ENTPD7: variants seen among roughly 807,000 people sequenced by gnomAD.
ENTPD7 encodes the protein ectonucleoside triphosphate diphosphohydrolase 7.
In ENTPD7, 53 loss-of-function variants were observed where a neutral mutation model predicts 77.9. The observed-to-expected ratio is 0.68, with a 90% confidence interval of 0.55 to 0.85. The LOEUF is 0.85. ENTPD7 is among the 40% of genes least tolerant of loss of function. The probability of loss-of-function intolerance (pLI) is 0.00; values close to 1 mark genes in which losing one functional copy is unlikely to be tolerated. For missense variants in ENTPD7, 636 were observed against 743.7 expected (o/e 0.86, Z 1.68); for synonymous variants, 248 against 274.9 (o/e 0.90, Z 0.97).
At position 99,661,531 on chromosome 10, in the gene ENTPD7, C is replaced by G. The variant is rs147747082; in HGVS notation, c.94C>G (p.Leu32Val). The G allele has an allele frequency of 1.2e-6, 2 of 1,613,814 alleles. No homozygotes were observed. The highest frequency in any genetic ancestry group is 1.7e-6 in the Non-Finnish European group (2 of 1,179,916). ...SPFLRQRVAF[L>V]GLFFISCLLL... ...ATTTCTCCGTCAGCGGGTGGCATTC[C>G]TGGGACTCTTCTTCATATCCTGTCT... Residue 32 changes from leucine (L) to valine (V), a missense_variant, in exon 3 of 13, where the codon CTG becomes GTG. This residue lies in a region of ENTPD7 where 486 missense variants were observed against 556.5 expected (regional missense o/e 0.87). Transcript: ENST00000370489.
At chr10:99,700,373 A>ATTTT (rs1458260926) in intron 10 of ENTPD7, among the ~76,000 whole-genome samples, 1 of 149,536 alleles carries the variant, frequency 6.7e-6, no homozygotes. Flanking sequence ...TTCCCTGAGC[A>ATTTT]TTTATGTTAT....
chr10:99,660,034 G>A, intron 2 of ENTPD7, 70 bp downstream of exon 2: 4 of 1,611,216 alleles, frequency 2.5e-6, no homozygotes, highest in Non-Finnish European at 3.4e-6. Flanking sequence ...GGGGCCCTGG[G>A]AGGCTGTCCC....
rs547442300 is a variant in ENTPD7 at position 99,710,298 on chromosome 10, T to C, written c.*5615T>C. 30 of 985,330 alleles carry C rather than the reference T, an allele frequency of 3.0e-5. No individual in the cohort carries two copies. The highest frequency in any genetic ancestry group is 3.6e-5 in the Non-Finnish European group (30 of 829,944). The allele number at this position is 985,330 out of a possible 1,614,324, so 61.0% of individuals were successfully genotyped here. A position where few individuals can be genotyped will look rare whatever the true frequency, so the allele number is the denominator to read the frequency against. On this transcript the variant is annotated 3_prime_UTR_variant, in exon 13 of 13. Coordinates refer to ENST00000370489, the MANE Select transcript of ENTPD7 (RefSeq NM_020354.5). Reference sequence around the variant, plus strand: ...CCCAGACACATACTTTGGTTTCTAGTGTTTCAGTTACTATGTTGTATTTGA... The same window carrying C: ...CCCAGACACATACTTTGGTTTCTAGCGTTTCAGTTACTATGTTGTATTTGA...
intron 2 of ENTPD7, chr10:99,660,183 G>A: frequency 1.7e-6 from 1 of 590,022 alleles, no homozygotes; most frequent in Non-Finnish European, 2.1e-6. Flanking sequence ...GAGTGAGTCG[G>A]CTTGCTCAGC....
intron 5 of ENTPD7, among the ~76,000 whole-genome samples, 187 bp from the exon 6 acceptor site, chr10:99,685,605 G>A (rs995896344): frequency 6.6e-5 from 10 of 152,046 alleles, no homozygotes; most frequent in African/African-American, 9.7e-5. Flanking sequence ...TTAGGTAGGA[G>A]GCTATACCTG....
intron 3 of ENTPD7, among the ~76,000 whole-genome samples, chr10:99,663,099 C>T (rs988949057): frequency 1.4e-5 from 2 of 138,978 alleles, no homozygotes; most frequent in Non-Finnish European, 3.2e-5. Context: ...ATCCATATTT[C>T]CATATTTGCT....
chr10:99,673,210 C>A (rs2035637622), intron 3 of ENTPD7, among the ~76,000 whole-genome samples: 1 of 152,036 alleles, frequency 6.6e-6, no homozygotes, highest in African/African-American at 2.4e-5. Flanking sequence ...TTCTCTTGGG[C>A]TTTTGGTCCT....
chr10:99,700,989 C>G lies in ENTPD7; in HGVS notation c.1352C>G (p.Ala451Gly). ...AKAAQDYCGMAWSVLTQRFKN... is the reference protein window; with the variant it reads ...AKAAQDYCGMGWSVLTQRFKN... ...TTGATCCAGGATTACTGTGGCATGGCTTGGTCGGTACTAACTCAGAGATTC... is the reference window on the plus strand; with the variant it reads ...TTGATCCAGGATTACTGTGGCATGGGTTGGTCGGTACTAACTCAGAGATTC... Residue 451 changes from alanine to glycine, a missense_variant, in exon 11 of 13, where the codon GCT becomes GGT. Around this residue, in one of 3 missense-constraint regions of ENTPD7, gnomAD observed 486 missense variants for 556.5 expected, o/e 0.87. Transcript: ENST00000370489. 1 of 1,614,046 alleles carries G rather than the reference C, an allele frequency of 6.2e-7. No individual in the cohort carries two copies. The highest frequency in any genetic ancestry group is 8.5e-7 in the Non-Finnish European group (1 of 1,179,936).
intron 3 of ENTPD7, among the ~76,000 whole-genome samples, chr10:99,667,768 T>C (rs2035567904): frequency 6.6e-6 from 1 of 152,148 alleles, no homozygotes; most frequent in African/African-American, 2.4e-5. Context: ...CAGTTATATC[T>C]GGCATCTTGA....
chr10:99,694,542 T>G (rs2133487072), intron 8 of ENTPD7, among the ~76,000 whole-genome samples: 1 of 150,700 alleles, frequency 6.6e-6, no homozygotes, highest in East Asian at 1.9e-4. Context: ...TTTTTTGTTT[T>G]TTTTTTTTTT....
At chr10:99,700,209 T>A (rs1433778549) in intron 10 of ENTPD7, among the ~76,000 whole-genome samples, 1 of 152,184 alleles carries the variant, frequency 6.6e-6, no homozygotes, top group East Asian at 1.9e-4. Flanking sequence ...GTTATTGGGC[T>A]TAACATATTA....
intron 3 of ENTPD7, among the ~76,000 whole-genome samples, chr10:99,676,554 GAA>G (rs1364880157): frequency 6.6e-6 from 1 of 152,222 alleles, no homozygotes; most frequent in Non-Finnish European, 1.5e-5. Context: ...GATTGGAAAT[GAA>G]AAGTCACTTT....
At chr10:99,698,027 T>A (rs2036021712) in intron 9 of ENTPD7, 1 of 158,614 alleles carries the variant, frequency 6.3e-6, no homozygotes, top group African/African-American at 2.4e-5. Context: ...GAGCTGGTGC[T>A]GTGCCTGTTC....
Position 99,711,028 on chromosome 10 carries a change from T to C in ENTPD7, c.*6345T>C. 3.0e-6 allele frequency: 3 copies of C among 985,308 alleles called. No homozygotes were observed. The highest frequency in any genetic ancestry group is 3.6e-6 in the Non-Finnish European group (3 of 829,836). The allele number at this position is 985,308 out of a possible 1,614,324, so 61.0% of individuals were successfully genotyped here. On this transcript the variant is annotated 3_prime_UTR_variant, in exon 13 of 13. Coordinates refer to ENST00000370489, the MANE Select transcript of ENTPD7 (RefSeq NM_020354.5). ...TATTTGGAACATCAATCTGTAATTA[T>C]CCATTTTCCATTCATGCATTCACTA...
In ENTPD7 at chr10:99,707,045, T is replaced by C. The variant is rs1489560927; in HGVS notation, c.*2362T>C. 6.6e-6 allele frequency among the ~76,000 whole-genome samples: 1 copy of C among 152,244 alleles called. No homozygotes were observed. Among genetic ancestry groups the C allele is most frequent in the Non-Finnish European group, 1.5e-5 (1 of 68,040 alleles). On this transcript the variant is annotated 3_prime_UTR_variant, in exon 13 of 13. Coordinates refer to ENST00000370489, the MANE Select transcript of ENTPD7 (RefSeq NM_020354.5). Reference sequence around the variant, plus strand: ...TGCCTTTGTTATGTAGCAGACACTCTTAAGGATTTTATGTGTATTATTCAA... The same window carrying C: ...TGCCTTTGTTATGTAGCAGACACTCCTAAGGATTTTATGTGTATTATTCAA...
chr10:99,666,149 C>T (rs962416994), intron 3 of ENTPD7, among the ~76,000 whole-genome samples: 28 of 151,986 alleles, frequency 1.8e-4, no homozygotes, highest in Non-Finnish European at 3.8e-4. Flanking sequence ...AGGCATTACC[C>T]TCAGGGCAGA....
chr10:99,692,647 G>A (rs1342480344), intron 8 of ENTPD7, among the ~76,000 whole-genome samples: 1 of 151,928 alleles, frequency 6.6e-6, no homozygotes, highest in African/African-American at 2.4e-5. Context: ...ATGACGAATA[G>A]CCTTTTGCAG....
rs2036332060 is a variant in ENTPD7 at position 99,709,952 on chromosome 10, G to T, written c.*5269G>T. 73 of 985,238 alleles carry T rather than the reference G, an allele frequency of 7.4e-5. No individual in the cohort carries two copies. Among genetic ancestry groups the T allele is most frequent in the Non-Finnish European group, 8.6e-5 (71 of 829,894 alleles). 61.0% of individuals were successfully genotyped at this position (985,238 alleles called of 1,614,324 possible). ...CTGAATCATTACTCATACTACAAGGGCTTTCACTTTTAAAATGTAATCCAT... is the reference window on the plus strand; with the variant it reads ...CTGAATCATTACTCATACTACAAGGTCTTTCACTTTTAAAATGTAATCCAT... On this transcript the variant is annotated 3_prime_UTR_variant, in exon 13 of 13. Transcript: ENST00000370489.
chr10:99,708,008 G>A lies in ENTPD7; in HGVS notation c.*3325G>A, dbSNP rs532095456. Among the ~76,000 whole-genome samples, 11 of 152,264 alleles carry A rather than the reference G, an allele frequency of 7.2e-5. No homozygotes were observed. The highest frequency in any genetic ancestry group is 2.4e-4 in the African/African-American group (10 of 41,556). On this transcript the variant is annotated 3_prime_UTR_variant, in exon 13 of 13. Coordinates refer to ENST00000370489, the MANE Select transcript of ENTPD7 (RefSeq NM_020354.5). ...GGTACAGATCCCATCACCAGGTGGT[G>A]AGCATAGTACCTAACAGATAGTTCT...
Sources: gnomAD v4.1 joint callset for allele counts (sites outside exome capture counted in the v4.1 genomes callset) on GRCh38, gnomAD v4.1.1 for gene constraint, gnomAD v4.1.1 regional missense constraint, MANE v1.5 for transcripts, NCBI Gene and HGNC (gene_info 2026-07-23, HGNC 2026-07-21) for gene names.